The following NKAIN3 variants were observed in gnomAD, a reference collection of about 807,000 sequenced individuals.
NKAIN3 encodes sodium/potassium transporting ATPase interacting 3, also known as sodium/potassium-transporting ATPase subunit beta-1-interacting protein 3.
A neutral mutation model predicts 30.2 loss-of-function variants in NKAIN3; 25 were observed. The observed-to-expected ratio is 0.83, with a 90% CI of 0.60 to 1.16. The LOEUF (loss-of-function observed/expected upper bound fraction) is 1.16, where lower values mean the gene tolerates loss of function less well. Ranked by LOEUF, NKAIN3 falls within the 50% of genes most tolerant of loss-of-function variation. NKAIN3 has a pLI of 0.00. For synonymous variants in NKAIN3, 91 were observed against 89.6 expected, an observed-to-expected ratio of 1.02 and a Z score of -0.09; for missense variants, 225 against 254.1, an observed-to-expected ratio of 0.89 and a Z score of 0.78.
chr8:62,984,526 A>C lies in NKAIN3; in HGVS notation c.*19119A>C, dbSNP rs1824162774. 1 of 152,250 alleles carries C rather than the reference A, an allele frequency of 6.6e-6. No homozygotes were observed. The highest frequency in any genetic ancestry group is 2.1e-4 in the South Asian group (1 of 4,838). The allele number at this position is 152,250 out of a possible 1,614,324, so 9.4% of individuals were successfully genotyped here. On this transcript the variant is annotated 3_prime_UTR_variant, in exon 7 of 7. Coordinates refer to ENST00000623646, the MANE Select transcript of NKAIN3 (RefSeq NM_001304533.3). ...TACTGATATGAATTTCTACTGTCCC[A>C]TAACACTGTGTAGTGACTTCACTGT...
intron 1 of NKAIN3, among the ~76,000 whole-genome samples, chr8:62,293,183 C>T (rs1813709566): frequency 5.9e-5 from 9 of 152,140 alleles, no homozygotes; most frequent in Admixed American, 5.9e-4. Flanking sequence ...GAATATCCTC[C>T]TTTTTCTCGG....
intron 5 of NKAIN3, among the ~76,000 whole-genome samples, chr8:62,919,781 G>T (rs1822220988): frequency 6.6e-6 from 1 of 152,072 alleles, no homozygotes; most frequent in South Asian, 2.1e-4. Context: ...TATATGAGTT[G>T]GAATCCAGAA....
intron 3 of NKAIN3, among the ~76,000 whole-genome samples, chr8:62,609,550 A>T (rs968305347): frequency 1.1e-4 from 16 of 152,302 alleles, no homozygotes; most frequent in Admixed American, 3.3e-4. Context: ...ACTGGGGGAT[A>T]AAAAGAATTT....
intron 1 of NKAIN3, among the ~76,000 whole-genome samples, chr8:62,528,335 T>TATATA (rs1455799504): frequency 4.3e-4 from 17 of 39,096 alleles, no homozygotes; most frequent in African/African-American, 2.0e-3. Context: ...ATATATATAT[T>TATATA]ATATAATATA....
intron 5 of NKAIN3, among the ~76,000 whole-genome samples, chr8:62,944,953 T>C (rs1823079268): frequency 6.6e-6 from 1 of 152,110 alleles, no homozygotes. Context: ...ACAGAAAAAA[T>C]ACAAGAATGG....
chr8:62,647,242 A>G (rs1812488383), intron 3 of NKAIN3, among the ~76,000 whole-genome samples: 1 of 152,218 alleles, frequency 6.6e-6, no homozygotes, highest in Non-Finnish European at 1.5e-5. Flanking sequence ...GCAAAGGCAT[A>G]AATGCATAGA....
intron 1 of NKAIN3, among the ~76,000 whole-genome samples, chr8:62,311,323 T>C (rs1814422905): frequency 6.7e-6 from 1 of 150,272 alleles, no homozygotes; most frequent in South Asian, 2.1e-4. Flanking sequence ...AGAAAGCAGC[T>C]GTGTGTGCAT....
At chr8:62,656,467 T>A (rs1812767663) in intron 3 of NKAIN3, among the ~76,000 whole-genome samples, 1 of 150,858 alleles carries the variant, frequency 6.6e-6, no homozygotes, top group Non-Finnish European at 1.5e-5. Flanking sequence ...AAATAAAAAA[T>A]AAAAGAACAA....
At chr8:62,950,523 T>C (rs1197713950) in intron 5 of NKAIN3, among the ~76,000 whole-genome samples, 1 of 152,174 alleles carries the variant, frequency 6.6e-6, no homozygotes, top group African/African-American at 2.4e-5. Context: ...TCTTGATAAT[T>C]TAAGTTTTAC....
intron 5 of NKAIN3, among the ~76,000 whole-genome samples, chr8:62,920,120 G>A (rs1368800228): frequency 6.6e-6 from 1 of 152,194 alleles, no homozygotes; most frequent in East Asian, 1.9e-4. Context: ...CCAAAAAACA[G>A]TTGGTTGAGC....
intron 4 of NKAIN3, among the ~76,000 whole-genome samples, chr8:62,887,967 G>C (rs2168318): frequency 4.3e-4 from 65 of 152,094 alleles, no homozygotes; most frequent in African/African-American, 1.4e-3. Flanking sequence ...ATAGCTGGAC[G>C]TAAGTGCAGA....
intron 3 of NKAIN3, among the ~76,000 whole-genome samples, chr8:62,637,124 A>C (rs1380256889): frequency 6.6e-6 from 1 of 152,228 alleles, no homozygotes; most frequent in East Asian, 1.9e-4. Context: ...AAAATCTAAC[A>C]GCAGACATAA....
chr8:62,622,596 T>G (rs1349191073), intron 3 of NKAIN3, among the ~76,000 whole-genome samples: 2 of 152,014 alleles, frequency 1.3e-5, no homozygotes, highest in Non-Finnish European at 2.9e-5. Flanking sequence ...CTTCTTGTCT[T>G]TTGCGCATTT....
intron 3 of NKAIN3, among the ~76,000 whole-genome samples, chr8:62,620,334 A>G (rs1435262510): frequency 6.6e-6 from 1 of 151,962 alleles, no homozygotes; most frequent in Non-Finnish European, 1.5e-5. Context: ...AGGTTTTATG[A>G]CCTACTTAAA....
chr8:62,283,252 T>C (rs894191102), intron 1 of NKAIN3, among the ~76,000 whole-genome samples: 2 of 150,982 alleles, frequency 1.3e-5, no homozygotes, highest in Non-Finnish European at 2.9e-5. Flanking sequence ...TCTTTTGCTT[T>C]CTTGAGACCA....
intron 3 of NKAIN3, among the ~76,000 whole-genome samples, chr8:62,727,725 C>A (rs752027930): frequency 2.0e-5 from 3 of 152,078 alleles, no homozygotes; most frequent in Non-Finnish European, 4.4e-5. Context: ...ATTTCATGTT[C>A]ATGGGTAAGA....
At position 62,519,010 on chromosome 8, in the gene NKAIN3, AT is replaced by A. The variant is rs531844848; in HGVS notation, c.55-60525del. ...CTTTCACAATGTGTGAAGTGGATAT[AT>A]TTTCCCTAAGGGTAAAATAAATGCT... is the stretch of plus-strand genomic sequence containing the variant. On this transcript the variant is annotated intron_variant, in intron 1 of 6. Coordinates refer to ENST00000623646, the MANE Select transcript of NKAIN3 (RefSeq NM_001304533.3). Among the ~76,000 whole-genome samples, 267 of 150,550 alleles carry A rather than the reference AT, an allele frequency of 1.8e-3. 1 individual carries two copies. Among genetic ancestry groups the A allele is most frequent in the African/African-American group, 6.6e-3 (262 of 39,874 alleles).
chr8:62,407,096 A>AT (rs1175043770), intron 1 of NKAIN3, among the ~76,000 whole-genome samples: 1 of 152,094 alleles, frequency 6.6e-6, no homozygotes, highest in Admixed American at 6.6e-5. Context: ...TTAGGTATTA[A>AT]TTTTAATTGA....
At chr8:62,914,955 G>GC (rs920895231) in intron 4 of NKAIN3, among the ~76,000 whole-genome samples, 17 of 151,564 alleles carry the variant, frequency 1.1e-4, no homozygotes, top group Non-Finnish European at 1.8e-4. Flanking sequence ...CCCTCTCCTT[G>GC]CCCCCCCACA....
Sources: allele counts gnomAD v4.1 joint callset (sites outside exome capture counted in the v4.1 genomes callset), GRCh38; gene constraint gnomAD v4.1.1; transcripts MANE v1.5; gene names NCBI Gene and HGNC (gene_info 2026-07-23, HGNC 2026-07-21).